The following PAPLN variants were observed in gnomAD, a reference collection of about 807,000 sequenced individuals.
PAPLN encodes papilin.
Under a neutral mutation model 159.0 loss-of-function variants are expected in PAPLN, and 146 were observed. That is an observed-to-expected ratio of 0.92 (90% CI 0.80 to 1.05). The LOEUF (loss-of-function observed/expected upper bound fraction) is 1.05. Ranked by LOEUF, PAPLN falls within the 50% of genes least tolerant of loss-of-function variation. The pLI is 0.00. For missense variants in PAPLN, 1,720 were observed against 1,743.9 expected (o/e 0.99, Z 0.24); for synonymous variants, 734 against 702.9 (o/e 1.04, Z -0.70).
At chr14:73,249,832 T>C in intron 5 of PAPLN, 152 bp from the exon 6 acceptor site, 1 of 767,828 alleles carries the variant, frequency 1.3e-6, no homozygotes, top group South Asian at 2.8e-5. Context: ...AGACGGTCCC[T>C]TCTCCTGGGG....
At chr14:73,248,299 G>C (rs1884847813) in intron 5 of PAPLN, among the ~76,000 whole-genome samples, 1 of 151,868 alleles carries the variant, frequency 6.6e-6, no homozygotes, top group African/African-American at 2.4e-5. Flanking sequence ...CTGTGGGCGT[G>C]ACCCAGTGGG....
At chr14:73,249,543 G>A (rs905645463) in intron 5 of PAPLN, among the ~76,000 whole-genome samples, 9 of 152,056 alleles carry the variant, frequency 5.9e-5, no homozygotes, top group East Asian at 3.9e-4. Context: ...GTGTGGTGGC[G>A]CGTGCCTGTA....
intron 23 of PAPLN, 99 bp from the exon 24 acceptor site, chr14:73,266,402 G>A: frequency 2.8e-6 from 4 of 1,426,340 alleles, no homozygotes; most frequent in Non-Finnish European, 3.8e-6. Context: ...GGACCTAGAA[G>A]ACCTTGTGTT....
In PAPLN at chr14:73,259,214, G is replaced by A. The variant is rs991222821; in HGVS notation, c.1709-55G>A. The A allele has an allele frequency of 8.5e-6, 13 of 1,529,576 alleles. No homozygotes were observed. The African/African-American group carries it at 1.7e-4, about 19-fold the overall frequency. 94.8% of individuals were successfully genotyped at this position (1,529,576 alleles called of 1,614,324 possible). A position where few individuals can be genotyped will look rare whatever the true frequency, so the allele number is the denominator to read the frequency against. ...GAAGGTGGGTCCAACGTGGACAGGG[G>A]TGGAGGGGAGGAGCCAGGTGGACGC... On this transcript the variant is annotated intron_variant, in intron 15 of 26. Transcript: ENST00000644200.
rs760598006 is a variant in PAPLN, at chr14:73,262,439, T to C, written c.2335T>C (p.Cys779Arg). 5.6e-6 allele frequency: 9 copies of C among 1,613,716 alleles called. No individual in the cohort carries two copies. The highest frequency in any genetic ancestry group is 3.3e-5 in the South Asian group (3 of 91,078). ...RWYFVASVGQ[C>R]NRFWYGGCHG... ...GTACTTCGTTGCCTCTGTGGGCCAATGTAACCGCTTCTGGTATGGCGGCTG... is the reference window on the plus strand; with the variant it reads ...GTACTTCGTTGCCTCTGTGGGCCAACGTAACCGCTTCTGGTATGGCGGCTG... Residue 779 changes from cysteine (C) to arginine (R), a missense_variant, in exon 19 of 27, where the codon TGT becomes CGT. Coordinates refer to ENST00000644200, the MANE Select transcript of PAPLN (RefSeq NM_001365906.3).
At chr14:73,239,926 G>A (rs1030769750) in intron 2 of PAPLN, 94 bp downstream of exon 2, 2 of 1,463,170 alleles carry the variant, frequency 1.4e-6, no homozygotes, top group Non-Finnish European at 1.8e-6. Context: ...CAGGAAAGGG[G>A]CGATGTCAGG....
chr14:73,247,897 T>TGG (rs1884704421), intron 5 of PAPLN, among the ~76,000 whole-genome samples: 1 of 34,278 alleles, frequency 2.9e-5, no homozygotes, highest in African/African-American at 9.6e-5. Flanking sequence ...TCCGTGTGTG[T>TGG]GTGTGTGTGT....
chr14:73,252,634 T>A lies in PAPLN; in HGVS notation c.968-15T>A. On this transcript the variant is annotated splice_polypyrimidine_tract_variant and intron_variant, in intron 10 of 26. Transcript: ENST00000644200. ...TTGACTGGCGTCTGCCCGCCATGGCTGGGCCTCTGCGCAGGTCACCAGTCC... is the reference window on the plus strand; with the variant it reads ...TTGACTGGCGTCTGCCCGCCATGGCAGGGCCTCTGCGCAGGTCACCAGTCC... 1 of 1,610,456 alleles carries A rather than the reference T, an allele frequency of 6.2e-7. No individual in the cohort carries two copies. Among genetic ancestry groups the A allele is most frequent in the East Asian group, 2.2e-5 (1 of 44,832 alleles).
Position 73,251,661 on chromosome 14 carries a change from C to T in PAPLN, c.671-3C>T, listed in dbSNP as rs1397607553. The T allele has an allele frequency of 6.2e-7, 1 of 1,613,438 alleles. No homozygotes were observed. Among genetic ancestry groups the T allele is most frequent in the African/African-American group, 1.3e-5 (1 of 74,904 alleles). On this transcript the variant is annotated splice_region_variant and splice_polypyrimidine_tract_variant and intron_variant, in intron 8 of 26. Transcript: ENST00000644200. ...GCTGACTGAGGCGGTCTCCTCTGCG[C>T]AGCTGTGAAGAATGTTCGTGGGGAA...
chr14:73,257,753 C>CTTT (rs562890068), intron 14 of PAPLN, among the ~76,000 whole-genome samples: 69 of 91,256 alleles, frequency 7.6e-4, no homozygotes, highest in Non-Finnish European at 1.1e-3. Flanking sequence ...TCTCTTTCTT[C>CTTT]TTTTTTTTTT....
At chr14:73,244,976 G>C in intron 3 of PAPLN, 1 of 448,020 alleles carries the variant, frequency 2.2e-6, no homozygotes, top group Admixed American at 4.0e-5. Context: ...CGTGCTGCCT[G>C]TTGCCCCTGG....
chr14:73,264,627 G>T lies in PAPLN; in HGVS notation c.3026G>T (p.Arg1009Leu), dbSNP rs750752662. The T allele has an allele frequency of 4.4e-6, 7 of 1,603,092 alleles. No homozygotes were observed. The highest frequency in any genetic ancestry group is 5.9e-6 in the Non-Finnish European group (7 of 1,177,256). Residue 1009 changes from arginine to leucine, a missense_variant, in exon 22 of 27, where the codon CGC (arginine) becomes CTC (leucine). By Grantham distance (102) the Arg-to-Leu change is moderately radical. Transcript: ENST00000644200. ...GTGCTGTCTGAGGCTGAGCTGAGCCGCTTCCCTCAGCCCAGGGACCCAGCT... is the reference window on the plus strand; with the variant it reads ...GTGCTGTCTGAGGCTGAGCTGAGCCTCTTCCCTCAGCCCAGGGACCCAGCT... ...MAVLSEAELS[R>L]FPQPRDPAQD...
chr14:73,258,720 C>T (rs1489990208), intron 14 of PAPLN, among the ~76,000 whole-genome samples: 1 of 151,834 alleles, frequency 6.6e-6, no homozygotes, highest in Non-Finnish European at 1.5e-5. Flanking sequence ...CATGATCACC[C>T]TACTGCATCT....
chr14:73,267,117 G>T (rs1887304131), intron 25 of PAPLN, among the ~76,000 whole-genome samples: 1 of 152,142 alleles, frequency 6.6e-6, no homozygotes. Flanking sequence ...TGCTTTGCAG[G>T]ATGTTTAGCA....
At chr14:73,266,923 C>T (rs1887272347) in intron 25 of PAPLN, 92 bp downstream of exon 25, 3 of 1,229,830 alleles carry the variant, frequency 2.4e-6, no homozygotes, top group African/African-American at 3.0e-5. Context: ...TCACTGTCAC[C>T]ACTGCTTCCA....
rs768026177 is a variant in PAPLN at position 73,253,831 on chromosome 14, C to T, written c.1172C>T (p.Ser391Leu). Residue 391 changes from serine to leucine, a missense_variant, in exon 12 of 27, where the codon TCG becomes TTG. Ser to Leu is a moderately radical substitution (Grantham distance 145). Transcript: ENST00000644200. ...GSQSRSVYCI[S>L]SDGAGIQEAV... ...CAGTCCCGCTCCGTGTACTGCATCT[C>T]GTCTGACGGGGCCGGCATCCAGGAG... The T allele has an allele frequency of 3.7e-6, 6 of 1,613,596 alleles. No homozygotes were observed. Among genetic ancestry groups the T allele is most frequent in the African/African-American group, 1.3e-5 (1 of 74,936 alleles).
In PAPLN at chr14:73,250,992, C is replaced by G. The variant is rs1209285959; in HGVS notation, c.551C>G (p.Pro184Arg). Reference protein sequence around the residue: ...RCGGDGTTCYPVAGTFDANDL... With the variant: ...RCGGDGTTCYRVAGTFDANDL... ...GGGGGTGACGGCACGACCTGCTACCCCGTCGCAGGCACCTTTGACGCTAAT... is the reference window on the plus strand; with the variant it reads ...GGGGGTGACGGCACGACCTGCTACCGCGTCGCAGGCACCTTTGACGCTAAT... The change falls in exon 7 of 27, where the codon CCC becomes CGC. Residue 184 changes from proline to arginine, a missense_variant. By Grantham distance (103) the Pro-to-Arg change is moderately radical. Transcript: ENST00000644200. The G allele has an allele frequency of 6.2e-7, 1 of 1,613,556 alleles. No individual in the cohort carries two copies. Among genetic ancestry groups the G allele is most frequent in the Admixed American group, 1.7e-5 (1 of 60,006 alleles).
intron 11 of PAPLN, 104 bp from the exon 12 acceptor site, chr14:73,253,645 CTGGGG>C (rs1885559935): frequency 9.8e-7 from 1 of 1,016,322 alleles, no homozygotes; most frequent in African/African-American, 1.6e-5. Flanking sequence ...AGAGGATGGG[CTGGGG>C]TGGGGGTCCT....
Position 73,239,816 on chromosome 14 carries a change from C to T in PAPLN, c.38C>T (p.Pro13Leu), listed in dbSNP as rs779180720. 1.3e-6 allele frequency: 2 copies of T among 1,593,390 alleles called. No homozygotes were observed. The highest frequency in any genetic ancestry group is 1.7e-6 in the Non-Finnish European group (2 of 1,175,670). Residue 13 changes from proline to leucine, a missense_variant, in exon 2 of 27, where the codon CCA becomes CTA. Pro to Leu is a moderately conservative substitution (Grantham distance 98). Coordinates refer to ENST00000644200, the MANE Select transcript of PAPLN (RefSeq NM_001365906.3). ...LLLLVPLLLAPAPGSSAPKVR... is the reference protein window; with the variant it reads ...LLLLVPLLLALAPGSSAPKVR... ...CTGCTCGTGCCGCTGCTGCTGGCTC[C>T]AGCGCCCGGGTCCTCGGTGAGTGCG...
Sources: allele counts gnomAD v4.1 joint callset (sites outside exome capture counted in the v4.1 genomes callset), GRCh38; gene constraint gnomAD v4.1.1; transcripts MANE v1.5; gene names NCBI Gene and HGNC (gene_info 2026-07-23, HGNC 2026-07-21).